Variants in SRRM4 observed in about 807,000 individuals in gnomAD.
The protein encoded by SRRM4 is serine/arginine repetitive matrix 4.
Under a neutral mutation model 68.9 loss-of-function variants are expected in SRRM4, and 33 were observed. The observed-to-expected ratio is 0.48, with a 90% CI of 0.36 to 0.64. SRRM4 has a LOEUF of 0.64. SRRM4 is among the 30% of genes least tolerant of loss of function. The pLI is 0.00. For synonymous variants in SRRM4, 318 were observed against 318.8 expected (o/e 1.00, Z 0.03); for missense variants, 817 against 827.1 (o/e 0.99, Z 0.15).
intron 2 of SRRM4, among the ~76,000 whole-genome samples, chr12:119,104,812 CT>C (rs570610139): frequency 6.7e-5 from 10 of 148,734 alleles, no homozygotes; most frequent in African/African-American, 9.9e-5. Context: ...TTAACCACTG[CT>C]TTTTTTTTTA....
intron 1 of SRRM4, among the ~76,000 whole-genome samples, chr12:119,048,941 C>A (rs1394782143): frequency 6.6e-6 from 1 of 152,112 alleles, no homozygotes; most frequent in East Asian, 1.9e-4. Flanking sequence ...ATAATAACAG[C>A]AATTGCATCA....
intron 1 of SRRM4, among the ~76,000 whole-genome samples, chr12:118,982,675 T>TTC (rs1555212609): frequency 4.2e-5 from 4 of 94,700 alleles, no homozygotes; most frequent in Admixed American, 1.0e-4. Flanking sequence ...TTTTGTTTTT[T>TTC]TTTGTTTTTT....
intron 1 of SRRM4, among the ~76,000 whole-genome samples, chr12:119,094,571 G>T (rs1371411277): frequency 6.6e-6 from 1 of 152,148 alleles, no homozygotes; most frequent in East Asian, 1.9e-4. Flanking sequence ...TCACACGAAG[G>T]TCCACTGCTT....
In SRRM4 at chr12:119,157,604, A is replaced by T. The variant is rs1218116939; in HGVS notation, c.*806A>T. 1 of 152,290 alleles carries T rather than the reference A, an allele frequency of 6.6e-6. No individual in the cohort carries two copies. Among genetic ancestry groups the T allele is most frequent in the Admixed American group, 6.5e-5 (1 of 15,280 alleles). 9.4% of individuals were successfully genotyped at this position (152,290 alleles called of 1,614,324 possible). A position where few individuals can be genotyped will look rare whatever the true frequency, so the allele number is the denominator to read the frequency against. Reference sequence around the variant, plus strand: ...GCCCTGCAACCTCACGAGAAAGGAGATAGTGGAAGAGTCAGGACAGGTTGG... The same window carrying T: ...GCCCTGCAACCTCACGAGAAAGGAGTTAGTGGAAGAGTCAGGACAGGTTGG... On this transcript the variant is annotated 3_prime_UTR_variant, in exon 13 of 13. Coordinates refer to ENST00000267260, the MANE Select transcript of SRRM4 (RefSeq NM_194286.4). The surrounding 1 kb of genome is among the most constrained non-coding windows in gnomAD (Gnocchi z 4.1).
intron 1 of SRRM4, among the ~76,000 whole-genome samples, chr12:118,991,415 C>T (rs571511793): frequency 6.6e-6 from 1 of 152,308 alleles, no homozygotes; most frequent in Admixed American, 6.5e-5. Flanking sequence ...CTAAGTCATA[C>T]CCCTCATTAC....
chr12:119,078,819 A>G (rs1953931328), intron 1 of SRRM4, among the ~76,000 whole-genome samples: 1 of 152,102 alleles, frequency 6.6e-6, no homozygotes, highest in Admixed American at 6.5e-5. Flanking sequence ...AGTCCCAGCT[A>G]CTCTGGAGGC....
chr12:119,048,932 T>TAATAAC (rs1164695784), intron 1 of SRRM4, among the ~76,000 whole-genome samples: 1 of 152,054 alleles, frequency 6.6e-6, no homozygotes, highest in Non-Finnish European at 1.5e-5. Context: ...TCAATAACAA[T>TAATAAC]AATAACAGCA....
intron 1 of SRRM4, among the ~76,000 whole-genome samples, chr12:119,040,391 T>C (rs1397376591): frequency 2.0e-5 from 3 of 152,142 alleles, no homozygotes; most frequent in Non-Finnish European, 4.4e-5. Context: ...ATTGTATCAT[T>C]CTTATGCCCT....
chr12:119,157,117 T>C lies in SRRM4; in HGVS notation c.*319T>C. The C allele has an allele frequency of 3.2e-6, 1 of 309,818 alleles. No individual in the cohort carries two copies. The highest frequency in any genetic ancestry group is 5.9e-6 in the Non-Finnish European group (1 of 170,028). 19.2% of individuals were successfully genotyped at this position (309,818 alleles called of 1,614,324 possible). On this transcript the variant is annotated 3_prime_UTR_variant, in exon 13 of 13. Coordinates refer to ENST00000267260, the MANE Select transcript of SRRM4 (RefSeq NM_194286.4). This position sits in a 1 kb window ranked among gnomAD's most constrained non-coding sequence, Gnocchi z 4.1. ...AAGCAATGGGTCTGTGACTCAAAAA[T>C]TGAGCCCTGGCCAGGAAAATGTGGA... is the stretch of plus-strand genomic sequence containing the variant.
At chr12:119,023,250 T>A (rs1462529571) in intron 1 of SRRM4, among the ~76,000 whole-genome samples, 1 of 152,184 alleles carries the variant, frequency 6.6e-6, no homozygotes, top group Non-Finnish European at 1.5e-5. Context: ...TGTGTCTCAG[T>A]GACAAATTAG....
intron 1 of SRRM4, among the ~76,000 whole-genome samples, chr12:119,026,298 A>G (rs932983308): frequency 1.3e-5 from 2 of 151,964 alleles, no homozygotes; most frequent in African/African-American, 4.8e-5. Context: ...ATATTGACCT[A>G]GACTTGGAAG....
At chr12:119,120,918 C>T (rs1470675201) in intron 5 of SRRM4, among the ~76,000 whole-genome samples, 1 of 152,162 alleles carries the variant, frequency 6.6e-6, no homozygotes, top group Non-Finnish European at 1.5e-5. Context: ...AGGGGAGTGA[C>T]GATGGCTTCT....
chr12:119,145,821 G>A, intron 9 of SRRM4, 136 bp downstream of exon 9: 1 of 832,996 alleles, frequency 1.2e-6, no homozygotes, highest in African/African-American at 1.8e-5. Context: ...AACTCAGACT[G>A]GCTTGTTTTA....
At chr12:119,097,294 C>T (rs1321703674) in intron 1 of SRRM4, among the ~76,000 whole-genome samples, 1 of 152,188 alleles carries the variant, frequency 6.6e-6, no homozygotes, top group Non-Finnish European at 1.5e-5. Context: ...AAGCCTGATT[C>T]CACTGCAGCG....
At position 119,153,577 on chromosome 12, in the gene SRRM4, G is replaced by T; in HGVS notation, c.1319G>T (p.Gly440Val). 1 of 1,576,748 alleles carries T rather than the reference G, an allele frequency of 6.3e-7. No individual in the cohort carries two copies. The highest frequency in any genetic ancestry group is 8.6e-7 in the Non-Finnish European group (1 of 1,162,000). Residue 440 changes from glycine to valine, a missense_variant, in exon 11 of 13, where the codon GGC (glycine) becomes GTC (valine). Coordinates refer to ENST00000267260, the MANE Select transcript of SRRM4 (RefSeq NM_194286.4). ...SRSPSYSSKSGKRSPPSRSSR... is the reference protein window; with the variant it reads ...SRSPSYSSKSVKRSPPSRSSR... ...TCTCCCAGCTATTCCTCCAAGTCTG[G>T]CAAGAGGAGCCCGCCCAGCAGAAGC...
chr12:118,981,981 C>G lies in SRRM4; in HGVS notation c.99C>G (p.Val33=). 1 of 1,611,198 alleles carries G rather than the reference C, an allele frequency of 6.2e-7. No homozygotes were observed. The change falls in exon 1 of 13, where the codon GTC becomes GTG. Residue 33 remains valine (V), a synonymous_variant. Coordinates refer to ENST00000267260, the MANE Select transcript of SRRM4 (RefSeq NM_194286.4). ...CCCCCCGTCCCGAGAGCATCATTGTCGCCAGTATCACGGCCCGCAAGCCGC... is the reference window on the plus strand; with the variant it reads ...CCCCCCGTCCCGAGAGCATCATTGTGGCCAGTATCACGGCCCGCAAGCCGC... ...VATPRPESII[V]ASITARKPLP... is the part of the protein sequence containing the mutation.
At chr12:118,988,976 C>G (rs1953299609) in intron 1 of SRRM4, among the ~76,000 whole-genome samples, 1 of 152,036 alleles carries the variant, frequency 6.6e-6, no homozygotes, top group Non-Finnish European at 1.5e-5. Context: ...TAGAAGGATG[C>G]TTGGTGTATT....
intron 1 of SRRM4, 42 bp from the exon 2 acceptor site, chr12:119,102,194 G>A (rs1954081354): frequency 6.4e-7 from 1 of 1,562,562 alleles, no homozygotes; most frequent in Non-Finnish European, 8.7e-7. Flanking sequence ...AAGTGTCTCT[G>A]TATATTCTAA....
At chr12:118,982,670 T>G (rs769649680) in intron 1 of SRRM4, among the ~76,000 whole-genome samples, 6 of 22,414 alleles carry the variant, frequency 2.7e-4, no homozygotes, top group African/African-American at 5.3e-4. Context: ...TTTTATTTTG[T>G]TTTTTTTTGT....
Sources: allele counts gnomAD v4.1 joint callset (sites outside exome capture counted in the v4.1 genomes callset), GRCh38; gene constraint gnomAD v4.1.1; non-coding constraint Gnocchi (gnomAD v3.1); transcripts MANE v1.5; gene names NCBI Gene and HGNC (gene_info 2026-07-23, HGNC 2026-07-21).